CEP70: variants seen among roughly 807,000 people sequenced by gnomAD.
CEP70 encodes centrosomal protein 70.
A neutral mutation model predicts 90.9 loss-of-function variants in CEP70; 70 were observed. The ratio of observed to expected loss-of-function variants is 0.77; its 90% confidence interval spans 0.64 to 0.94. The LOEUF (loss-of-function observed/expected upper bound fraction) is 0.94. Ranked by LOEUF, CEP70 falls within the 40% of genes least tolerant of loss-of-function variation. The pLI, the probability that CEP70 is intolerant of heterozygous loss-of-function variation, is 0.00. For missense variants in CEP70, 648 were observed against 669.0 expected, an observed-to-expected ratio of 0.97 and a Z score of 0.35; for synonymous variants, 220 against 228.3, an observed-to-expected ratio of 0.96 and a Z score of 0.33.
At chr3:138,552,451 G>A (rs1210007039) in intron 6 of CEP70, among the ~76,000 whole-genome samples, 1 of 151,858 alleles carries the variant, frequency 6.6e-6, no homozygotes, top group Admixed American at 6.6e-5. Context: ...AAAAATTTAA[G>A]AAAATTGAAA....
chr3:138,539,305 T>C (rs1005093795), intron 6 of CEP70, among the ~76,000 whole-genome samples: 1 of 152,182 alleles, frequency 6.6e-6, no homozygotes, highest in African/African-American at 2.4e-5. Flanking sequence ...TGAGCCACCA[T>C]GCCCAGCCCT....
chr3:138,535,054 G>C (rs1034845006), intron 7 of CEP70, among the ~76,000 whole-genome samples: 3 of 152,106 alleles, frequency 2.0e-5, no homozygotes, highest in Non-Finnish European at 2.9e-5. Flanking sequence ...CTGCCACACA[G>C]AAAGTAGAAC....
At chr3:138,507,281 A>G (rs2035072231) in intron 12 of CEP70, among the ~76,000 whole-genome samples, 1 of 152,220 alleles carries the variant, frequency 6.6e-6, no homozygotes, top group South Asian at 2.1e-4. Flanking sequence ...AGACTATAAA[A>G]GATGACCCTG....
At chr3:138,582,779 A>G (rs897359599) in intron 2 of CEP70, among the ~76,000 whole-genome samples, 2 of 152,106 alleles carry the variant, frequency 1.3e-5, no homozygotes, top group African/African-American at 2.4e-5. Context: ...AATAAAAATA[A>G]ATAAATAAAT....
intron 11 of CEP70, among the ~76,000 whole-genome samples, chr3:138,524,604 G>T (rs2037021009): frequency 6.6e-6 from 1 of 152,104 alleles, no homozygotes; most frequent in Admixed American, 6.5e-5. Flanking sequence ...GTGGGCAAAG[G>T]ATATGAACAG....
chr3:138,581,748 G>A (rs1192642824), intron 2 of CEP70, among the ~76,000 whole-genome samples: 1 of 148,444 alleles, frequency 6.7e-6, no homozygotes, highest in Non-Finnish European at 1.5e-5. Context: ...GAAAGAAAGT[G>A]TATTCAGAGG....
In CEP70 at chr3:138,591,925, A is replaced by G; in HGVS notation, c.-77T>C. Reference sequence around the variant, plus strand: ...GTTGATCTCAATGAAATGATCACCCAACGAGTCTCATGTCTGAAACTGGAT... The same window carrying G: ...GTTGATCTCAATGAAATGATCACCCGACGAGTCTCATGTCTGAAACTGGAT... On this transcript the variant is annotated 5_prime_UTR_variant, in exon 2 of 18. Coordinates refer to ENST00000264982, the MANE Select transcript of CEP70 (RefSeq NM_024491.4). 7.8e-7 allele frequency: 1 copy of G among 1,278,562 alleles called. No homozygotes were observed. The highest frequency in any genetic ancestry group is 1.1e-6 in the Non-Finnish European group (1 of 950,580). The allele number at this position is 1,278,562 out of a possible 1,614,324, so 79.2% of individuals were successfully genotyped here.
At chr3:138,513,964 AC>A (rs71626066) in intron 11 of CEP70, among the ~76,000 whole-genome samples, 26 of 150,360 alleles carry the variant, frequency 1.7e-4, no homozygotes, top group Non-Finnish European at 2.8e-4. Flanking sequence ...AAAAAAAAAA[AC>A]AAACAAACTC....
chr3:138,555,680 T>C (rs1216458923), intron 6 of CEP70, among the ~76,000 whole-genome samples: 1 of 152,092 alleles, frequency 6.6e-6, no homozygotes, highest in Non-Finnish European at 1.5e-5. Flanking sequence ...ACAACACCAA[T>C]GGTCAGGGAA....
In CEP70 at chr3:138,537,229, CTGTTT is replaced by C; in HGVS notation, c.579_583del (p.Asn194SerfsTer16). 1 of 1,604,392 alleles carries C rather than the reference CTGTTT, an allele frequency of 6.2e-7. No individual in the cohort carries two copies. The highest frequency in any genetic ancestry group is 8.5e-7 in the Non-Finnish European group (1 of 1,176,138). ...TCTTTTGCACAGATAGGCAAACACTCTGTTTTGAGTGACAATGCGATCTTCTTCCT... is the reference window on the plus strand; with the variant it reads ...TCTTTTGCACAGATAGGCAAACACTCTGAGTGACAATGCGATCTTCTTCCT... On this transcript the variant is annotated frameshift_variant, in exon 7 of 18. Coordinates refer to ENST00000264982, the MANE Select transcript of CEP70 (RefSeq NM_024491.4). LOFTEE classifies it high-confidence loss of function.
chr3:138,500,775 A>C lies in CEP70; in HGVS notation c.1328T>G (p.Ile443Arg), dbSNP rs759802823. ...AACTTCTTCCAGCATAGTATCTACTATAAACAACAAATCTTCAACTTTGAT... is the reference window on the plus strand; with the variant it reads ...AACTTCTTCCAGCATAGTATCTACTCTAAACAACAAATCTTCAACTTTGAT... ...EGIKVEDLLF[I>R]VDTMLEEVEN... The change falls in exon 14 of 18, where the codon ATA becomes AGA. Residue 443 changes from isoleucine to arginine, a missense_variant. Coordinates refer to ENST00000264982, the MANE Select transcript of CEP70 (RefSeq NM_024491.4). 1.2e-6 allele frequency: 2 copies of C among 1,606,302 alleles called. No homozygotes were observed. The highest frequency in any genetic ancestry group is 8.5e-7 in the Non-Finnish European group (1 of 1,175,772).
intron 6 of CEP70, among the ~76,000 whole-genome samples, chr3:138,542,723 C>T (rs1283470138): frequency 2.6e-5 from 4 of 152,194 alleles, no homozygotes; most frequent in East Asian, 1.9e-4. Flanking sequence ...CACAGCCCGG[C>T]GAGTCGGCCA....
At chr3:138,498,246 T>C in intron 16 of CEP70, 136 bp from the exon 17 acceptor site, 2 of 599,596 alleles carry the variant, frequency 3.3e-6, no homozygotes, top group Non-Finnish European at 5.6e-6. Context: ...CTACAGTCTT[T>C]TCTTTCTGAG....
At position 138,523,734 on chromosome 3, in the gene CEP70, C is replaced by T. The variant is rs185656737; in HGVS notation, c.944+1756G>A. On this transcript the variant is annotated intron_variant, in intron 11 of 17. Coordinates refer to ENST00000264982, the MANE Select transcript of CEP70 (RefSeq NM_024491.4). ...TCAATGAAATAAAAGAGGATACAAA[C>T]AAATGGAAGAACGTTCCATGCTCAT... 5.0e-3 allele frequency among the ~76,000 whole-genome samples: 760 copies of T among 152,210 alleles called. 4 individuals are homozygous for T. The highest frequency in any genetic ancestry group is 0.017 in the African/African-American group (700 of 41,496).
At chr3:138,566,123 G>A (rs750796969) in intron 6 of CEP70, among the ~76,000 whole-genome samples, 4 of 152,162 alleles carry the variant, frequency 2.6e-5, no homozygotes, top group Non-Finnish European at 5.9e-5. Context: ...AAATCACAAT[G>A]AGATACCATC....
intron 11 of CEP70, among the ~76,000 whole-genome samples, chr3:138,524,897 A>T (rs1303833021): frequency 6.6e-6 from 1 of 152,246 alleles, no homozygotes; most frequent in Non-Finnish European, 1.5e-5. Flanking sequence ...CATTTGACCC[A>T]GCCATCCCAT....
intron 13 of CEP70, among the ~76,000 whole-genome samples, chr3:138,504,746 T>A (rs564487293): frequency 6.6e-6 from 1 of 152,264 alleles, no homozygotes; most frequent in East Asian, 1.9e-4. Context: ...TGGTCTTCCA[T>A]GAAGAGATAG....
Position 138,494,923 on chromosome 3 carries a change from T to G in CEP70, c.*92A>C. The G allele has an allele frequency of 1.4e-6, 1 of 727,572 alleles. No individual in the cohort carries two copies. The highest frequency in any genetic ancestry group is 2.4e-6 in the Non-Finnish European group (1 of 422,596). The allele number at this position is 727,572 out of a possible 1,614,324, so 45.1% of individuals were successfully genotyped here. A position where few individuals can be genotyped will look rare whatever the true frequency, so the allele number is the denominator to read the frequency against. ...GGGATGAATTCTGAGAGCAAATACA[T>G]TTTACAACCCTTGTCTCAAAATAAG... On this transcript the variant is annotated 3_prime_UTR_variant, in exon 18 of 18. Transcript: ENST00000264982.
chr3:138,544,840 A>G (rs1371100653), intron 6 of CEP70, among the ~76,000 whole-genome samples: 1 of 152,194 alleles, frequency 6.6e-6, no homozygotes, highest in Non-Finnish European at 1.5e-5. Context: ...TCTCACTTAA[A>G]TGTGGAAACC....
Sources: allele counts gnomAD v4.1 joint callset (sites outside exome capture counted in the v4.1 genomes callset), GRCh38; gene constraint gnomAD v4.1.1; transcripts MANE v1.5; gene names NCBI Gene and HGNC (gene_info 2026-07-23, HGNC 2026-07-21).